The following ROBO2 variants were observed in gnomAD, a reference collection of about 807,000 sequenced individuals.
The protein encoded by ROBO2 is roundabout guidance receptor 2.
ROBO2 carries 53 observed loss-of-function variants against 160.8 expected under a neutral mutation model. The ratio of observed to expected loss-of-function variants is 0.33; its 90% CI spans 0.26 to 0.41. ROBO2 has a LOEUF of 0.41. Among genes scored for constraint, ROBO2 ranks in the 10% least tolerant of loss-of-function variants. The pLI is 1.00. For synonymous variants in ROBO2, 664 were observed against 611.7 expected (o/e 1.09, Z -1.26); for missense variants, 1,577 against 1,722.4 (o/e 0.92, Z 1.49).
intron 2 of ROBO2, among the ~76,000 whole-genome samples, chr3:76,766,664 C>T (rs1236323463): frequency 6.6e-6 from 1 of 151,614 alleles, no homozygotes; most frequent in Non-Finnish European, 1.5e-5. Flanking sequence ...GATGATTTTA[C>T]TGGGACTCTC....
chr3:76,320,267 A>G (rs1432695311), intron 2 of ROBO2, among the ~76,000 whole-genome samples: 1 of 152,194 alleles, frequency 6.6e-6, no homozygotes, highest in African/African-American at 2.4e-5. Context: ...AAAATGCTAA[A>G]TTAATATGAC....
chr3:76,643,979 ATTAT>A (rs2090836825), intron 2 of ROBO2, among the ~76,000 whole-genome samples: 1 of 152,212 alleles, frequency 6.6e-6, no homozygotes, highest in Non-Finnish European at 1.5e-5. Context: ...CTACCACAAT[ATTAT>A]TTATCAAACT....
intron 2 of ROBO2, among the ~76,000 whole-genome samples, chr3:76,224,408 A>G (rs1336432434): frequency 6.6e-6 from 1 of 152,190 alleles, no homozygotes; most frequent in Non-Finnish European, 1.5e-5. Flanking sequence ...CTTCAAGGGT[A>G]GGAGGAGATA....
rs372289229 is a variant in ROBO2, at chr3:76,604,097, T to C, written c.110-493917T>C. On this transcript the variant is annotated intron_variant, in intron 2 of 26. Coordinates refer to the ROBO2 transcript ENST00000487694. Reference sequence around the variant, plus strand: ...AGTAGATACTAAGTTCTGTGGGTTGTCTTATCTACTTGAATACCTTACTAT... The same window carrying C: ...AGTAGATACTAAGTTCTGTGGGTTGCCTTATCTACTTGAATACCTTACTAT... 2.2e-4 allele frequency among the ~76,000 whole-genome samples: 34 copies of C among 152,322 alleles called. 1 individual carries two copies. The highest frequency in any genetic ancestry group is 1.7e-3 in the East Asian group (9 of 5,182).
chr3:76,688,558 G>T (rs1298548327), intron 2 of ROBO2, among the ~76,000 whole-genome samples: 1 of 151,282 alleles, frequency 6.6e-6, no homozygotes, highest in Non-Finnish European at 1.5e-5. Flanking sequence ...AAAAAGGAAG[G>T]TAATGAAAGT....
chr3:76,643,751 C>A (rs902166642), intron 2 of ROBO2, among the ~76,000 whole-genome samples: 3 of 152,036 alleles, frequency 2.0e-5, no homozygotes, highest in Non-Finnish European at 4.4e-5. Context: ...GTAACAGAAG[C>A]CTTTCCATTT....
intron 2 of ROBO2, among the ~76,000 whole-genome samples, chr3:75,948,526 C>A (rs1948410556): frequency 6.6e-6 from 1 of 152,088 alleles, no homozygotes; most frequent in South Asian, 2.1e-4. Context: ...ATATTTCCTT[C>A]TATCTTTAGC....
chr3:77,571,140 T>C (rs1302981112), intron 13 of ROBO2, among the ~76,000 whole-genome samples: 1 of 152,014 alleles, frequency 6.6e-6, no homozygotes, highest in African/African-American at 2.4e-5. Context: ...TAAGCATTTT[T>C]CCACAGAGAT....
intron 2 of ROBO2, among the ~76,000 whole-genome samples, chr3:77,309,672 A>T (rs2063380269): frequency 6.6e-6 from 1 of 152,234 alleles, no homozygotes; most frequent in Non-Finnish European, 1.5e-5. Context: ...CAGATGAGTC[A>T]TGGCAACTGC....
At chr3:76,272,848 TATATATAAA>T (rs1332104687) in intron 2 of ROBO2, among the ~76,000 whole-genome samples, 2 of 43,570 alleles carry the variant, frequency 4.6e-5, no homozygotes, top group Admixed American at 4.0e-4. Context: ...TATTATATAT[TATATATAAA>T]ATATATAAAA....
At chr3:76,510,764 T>G (rs1488113439) in intron 2 of ROBO2, among the ~76,000 whole-genome samples, 2 of 151,868 alleles carry the variant, frequency 1.3e-5, no homozygotes, top group African/African-American at 4.8e-5. Context: ...AGGAAGAAAT[T>G]AATGAAAAAC....
chr3:77,602,661 GCCACCACCACCACCA>G (rs879356392), intron 20 of ROBO2, among the ~76,000 whole-genome samples, 170 bp downstream of exon 21: 1 of 128,242 alleles, frequency 7.8e-6, no homozygotes, highest in Non-Finnish European at 1.7e-5. Context: ...CACCACCACC[GCCACCACCACCACCA>G]CCACCACCAC....
intron 1 of ROBO2, among the ~76,000 whole-genome samples, chr3:77,079,892 G>A (rs1415959741): frequency 1.3e-5 from 2 of 152,166 alleles, no homozygotes; most frequent in Non-Finnish European, 2.9e-5. Flanking sequence ...AGAACATATT[G>A]ATGAACCAAA....
At chr3:76,619,257 G>T (rs1578590740) in intron 2 of ROBO2, among the ~76,000 whole-genome samples, 1 of 150,980 alleles carries the variant, frequency 6.6e-6, no homozygotes, top group African/African-American at 2.4e-5. Context: ...GGAGAATGGC[G>T]TGAACCCGGG....
At chr3:75,939,435 A>C (rs546714514) in intron 2 of ROBO2, among the ~76,000 whole-genome samples, 61 of 152,212 alleles carry the variant, frequency 4.0e-4, no homozygotes, top group Non-Finnish European at 7.6e-4. Context: ...TTCATTGGGG[A>C]CCATCATTTA....
intron 2 of ROBO2, among the ~76,000 whole-genome samples, chr3:76,282,544 T>TTGCATTTTATGATTATTACTA (rs1381474488): frequency 6.6e-6 from 1 of 152,098 alleles, no homozygotes; most frequent in Non-Finnish European, 1.5e-5. Context: ...CATAGTTGCT[T>TTGCATTTTATGATTATTACTA]TGCATTTTAT....
intron 2 of ROBO2, among the ~76,000 whole-genome samples, chr3:76,295,496 TC>T (rs1394676597): frequency 6.6e-6 from 1 of 152,134 alleles, no homozygotes; most frequent in Admixed American, 6.5e-5. Flanking sequence ...ATATGAACAC[TC>T]CTGTTTTCCA....
intron 2 of ROBO2, among the ~76,000 whole-genome samples, chr3:77,000,644 T>C (rs2061290414): frequency 6.6e-6 from 1 of 152,206 alleles, no homozygotes; most frequent in Non-Finnish European, 1.5e-5. Context: ...GATAGTGTCT[T>C]ACATGTCTTT....
At chr3:77,486,708 G>A (rs778025720) in intron 4 of ROBO2, among the ~76,000 whole-genome samples, 17 of 152,116 alleles carry the variant, frequency 1.1e-4, no homozygotes, top group Non-Finnish European at 2.4e-4. Context: ...CTCCCGTTGT[G>A]TAGGTTGTCC....
Sources: gnomAD v4.1 joint callset for allele counts (sites outside exome capture counted in the v4.1 genomes callset) on GRCh38, gnomAD v4.1.1 for gene constraint, MANE v1.5 for transcripts, NCBI Gene and HGNC (gene_info 2026-07-23, HGNC 2026-07-21) for gene names.